The following LRBA variants were observed in gnomAD, a reference collection of about 807,000 sequenced individuals.
The protein encoded by LRBA is lipopolysaccharide-responsive and beige-like anchor protein.
LRBA carries 176 observed loss-of-function variants against 330.0 expected under a neutral mutation model. The observed-to-expected ratio is 0.53, with a 90% CI of 0.47 to 0.60. The LOEUF is 0.60. Ranked by LOEUF, LRBA falls within the 20% of genes least tolerant of loss-of-function variation. LRBA has a pLI of 0.00. For synonymous variants in LRBA, 1,230 were observed against 1,193.0 expected (o/e 1.03, Z -0.64); for missense variants, 3,259 against 3,444.8 (o/e 0.95, Z 1.35).
At chr4:150,416,613 A>G (rs990216024) in intron 46 of LRBA, among the ~76,000 whole-genome samples, 1 of 149,968 alleles carries the variant, frequency 6.7e-6, no homozygotes, top group Non-Finnish European at 1.5e-5. Flanking sequence ...TTAGACTTAA[A>G]AAGCATTTTA....
intron 36 of LRBA, among the ~76,000 whole-genome samples, chr4:150,689,602 A>G (rs1037573332): frequency 7.9e-5 from 12 of 152,200 alleles, no homozygotes; most frequent in Non-Finnish European, 1.6e-4. Context: ...ACATGTTTAT[A>G]TCGGTGAATT....
chr4:150,566,502 TAAC>T (rs1769153598), intron 40 of LRBA, among the ~76,000 whole-genome samples: 1 of 152,104 alleles, frequency 6.6e-6, no homozygotes, highest in African/African-American at 2.4e-5. Flanking sequence ...GATTTCAAAA[TAAC>T]AACTTGTTTT....
intron 48 of LRBA, among the ~76,000 whole-genome samples, chr4:150,342,229 G>C (rs1183800220): frequency 1.3e-5 from 2 of 151,918 alleles, no homozygotes; most frequent in African/African-American, 4.8e-5. Context: ...AGACATGAAT[G>C]AGCCAAATCA....
At chr4:150,419,545 A>G (rs907009465) in intron 46 of LRBA, among the ~76,000 whole-genome samples, 1 of 150,678 alleles carries the variant, frequency 6.6e-6, no homozygotes, top group African/African-American at 2.4e-5. Flanking sequence ...TCAAATTAGG[A>G]TATTTCTTGT....
At chr4:150,438,335 C>T (rs1355271984) in intron 44 of LRBA, among the ~76,000 whole-genome samples, 1 of 151,782 alleles carries the variant, frequency 6.6e-6, no homozygotes, top group Non-Finnish European at 1.5e-5. Context: ...ATTTAAAAAT[C>T]GGCTGCGCAT....
chr4:150,708,084 A>C (rs1202813513), intron 36 of LRBA, among the ~76,000 whole-genome samples: 1 of 151,798 alleles, frequency 6.6e-6, no homozygotes, highest in African/African-American at 2.4e-5. Flanking sequence ...AATATTCTGG[A>C]AACAGGTATC....
chr4:150,296,163 C>G (rs1728949513), intron 53 of LRBA, among the ~76,000 whole-genome samples: 1 of 152,138 alleles, frequency 6.6e-6, no homozygotes, highest in African/African-American at 2.4e-5. Context: ...ATACATCCTC[C>G]TTAACATTTT....
intron 40 of LRBA, among the ~76,000 whole-genome samples, chr4:150,496,931 G>A (rs964319319): frequency 6.6e-6 from 1 of 151,928 alleles, no homozygotes; most frequent in Non-Finnish European, 1.5e-5. Flanking sequence ...AGAAAGTCTA[G>A]AAAATATTCA....
intron 34 of LRBA, among the ~76,000 whole-genome samples, chr4:150,795,104 T>C (rs1374220650): frequency 6.6e-6 from 1 of 152,098 alleles, no homozygotes; most frequent in African/African-American, 2.4e-5. Flanking sequence ...GTAGTGTTAT[T>C]GGAATGTATG....
chr4:150,626,098 G>A (rs534293447), intron 37 of LRBA, among the ~76,000 whole-genome samples: 11 of 151,968 alleles, frequency 7.2e-5, no homozygotes, highest in South Asian at 4.2e-4. Context: ...CTATATATTC[G>A]TCTTTGATTT....
At chr4:150,527,998 C>CT (rs1344847027) in intron 40 of LRBA, among the ~76,000 whole-genome samples, 2 of 152,144 alleles carry the variant, frequency 1.3e-5, no homozygotes, top group Admixed American at 6.6e-5. Flanking sequence ...TAATTCCTTT[C>CT]TTTTTAAACT....
In LRBA at chr4:150,921,286, T is replaced by A. The variant is rs1315109944; in HGVS notation, c.557A>T (p.His186Leu). The change falls in exon 5 of 57, where the codon CAT (histidine) becomes CTT (leucine). Residue 186 changes from histidine (H) to leucine (L), a missense_variant. Physicochemically the swap from His to Leu is moderately conservative, Grantham distance 99 (BLOSUM62 -3). Coordinates refer to ENST00000651943, the MANE Select transcript of LRBA (RefSeq NM_001364905.1). ...LQGDKGRWPPHAGKLLSVLKH... is the reference protein window; with the variant it reads ...LQGDKGRWPPLAGKLLSVLKH... ...TAACACAGACAGCAACTTCCCAGCATGTGGAGGCTATGAAGATAATTAACA... is the reference window on the plus strand; with the variant it reads ...TAACACAGACAGCAACTTCCCAGCAAGTGGAGGCTATGAAGATAATTAACA... 1 of 1,600,338 alleles carries A rather than the reference T, an allele frequency of 6.2e-7. No individual in the cohort carries two copies. Among genetic ancestry groups the A allele is most frequent in the Non-Finnish European group, 8.6e-7 (1 of 1,167,622 alleles).
intron 47 of LRBA, among the ~76,000 whole-genome samples, chr4:150,376,338 G>A (rs1741320252): frequency 1.3e-5 from 2 of 152,132 alleles, no homozygotes; most frequent in Admixed American, 1.3e-4. Flanking sequence ...ACTCAGCAGT[G>A]ATGAATAAAA....
chr4:150,899,006 C>A (rs146556114), intron 14 of LRBA, among the ~76,000 whole-genome samples: 197 of 152,266 alleles, frequency 1.3e-3, no homozygotes, highest in African/African-American at 4.4e-3. Flanking sequence ...TTACTGCAAT[C>A]AGAATGTATG....
chr4:150,939,748 G>C (rs773406071), intron 2 of LRBA, among the ~76,000 whole-genome samples: 1 of 152,050 alleles, frequency 6.6e-6, no homozygotes, highest in African/African-American at 2.4e-5. Context: ...CTACAACACC[G>C]TACTCTCCTT....
At chr4:150,349,046 G>T (rs1736786223) in intron 48 of LRBA, among the ~76,000 whole-genome samples, 1 of 152,146 alleles carries the variant, frequency 6.6e-6, no homozygotes, top group Non-Finnish European at 1.5e-5. Flanking sequence ...TAAAACTTGG[G>T]CAATTTAATG....
In LRBA at chr4:150,559,893, AATT is replaced by A. The variant is rs368439168; in HGVS notation, c.6330+28152_6330+28154del. ...TATATAATTATATATAATTATATAT[AATT>A]ATATATAATTATATATAATATATAA... On this transcript the variant is annotated intron_variant, in intron 40 of 56. Coordinates refer to ENST00000651943, the MANE Select transcript of LRBA (RefSeq NM_001364905.1). Among the ~76,000 whole-genome samples the A allele has an allele frequency of 7.3e-3, 393 of 53,930 alleles. 13 individuals carry two copies. Among genetic ancestry groups the A allele is most frequent in the Admixed American group, 0.071 (236 of 3,328 alleles). 35.4% of individuals were successfully genotyped at this position (53,930 alleles called of 152,430 possible). A position where few individuals can be genotyped will look rare whatever the true frequency, so the allele number is the denominator to read the frequency against.
intron 47 of LRBA, among the ~76,000 whole-genome samples, chr4:150,398,579 G>C (rs1581203312): frequency 6.6e-6 from 1 of 151,842 alleles, no homozygotes; most frequent in Non-Finnish European, 1.5e-5. Context: ...CATTCATGAA[G>C]GTGGATATCT....
chr4:150,697,626 G>A (rs1582080224), intron 36 of LRBA, among the ~76,000 whole-genome samples: 1 of 151,650 alleles, frequency 6.6e-6, no homozygotes, highest in Non-Finnish European at 1.5e-5. Flanking sequence ...TTCCTCAAAG[G>A]TTTATATAAA....
Sources: gnomAD v4.1 joint callset for allele counts (sites outside exome capture counted in the v4.1 genomes callset) on GRCh38, gnomAD v4.1.1 for gene constraint, MANE v1.5 for transcripts, NCBI Gene and HGNC (gene_info 2026-07-23, HGNC 2026-07-21) for gene names.